The following DNAAF4 variants were observed in gnomAD, a reference collection of about 807,000 sequenced individuals.
DNAAF4 encodes the protein dynein axonemal assembly factor 4.
DNAAF4 carries 43 observed loss-of-function variants against 51.8 expected under a neutral mutation model. The observed-to-expected ratio is 0.83, with a 90% CI of 0.65 to 1.07. DNAAF4 has a LOEUF of 1.07. Ranked by LOEUF, DNAAF4 falls within the 50% of genes least tolerant of loss-of-function variation. The pLI is 0.00. For synonymous variants in DNAAF4, 194 were observed against 165.6 expected, an observed-to-expected ratio of 1.17 and a Z score of -1.32; for missense variants, 581 against 493.0, an observed-to-expected ratio of 1.18 and a Z score of -1.69.
chr15:55,452,671 T>C (rs1055753178), intron 5 of DNAAF4, among the ~76,000 whole-genome samples: 2 of 152,170 alleles, frequency 1.3e-5, no homozygotes, highest in African/African-American at 4.8e-5. Flanking sequence ...CACATACAAA[T>C]TCTTGATAAA....
At chr15:55,474,172 AG>A (rs1194484535) in intron 4 of DNAAF4, among the ~76,000 whole-genome samples, 1 of 152,220 alleles carries the variant, frequency 6.6e-6, no homozygotes, top group African/African-American at 2.4e-5. Context: ...TGCAAATAAT[AG>A]TACACTACTT....
At chr15:55,480,992 G>A (rs768148695) in intron 4 of DNAAF4, among the ~76,000 whole-genome samples, 1 of 152,006 alleles carries the variant, frequency 6.6e-6, no homozygotes, top group African/African-American at 2.4e-5. Flanking sequence ...AAGATCTAAT[G>A]GTTTTATAAG....
rs538474503 is a variant in DNAAF4, at chr15:55,449,673, AAAC to A, written c.783+546_783+548del. Among the ~76,000 whole-genome samples, 21 of 148,110 alleles carry A rather than the reference AAAC, an allele frequency of 1.4e-4. No homozygotes were observed. The South Asian group carries it at 2.8e-3, about 20-fold the overall frequency. On this transcript the variant is annotated intron_variant, in intron 6 of 9. Coordinates refer to ENST00000321149, the MANE Select transcript of DNAAF4 (RefSeq NM_130810.4). ...AGAGCAAAAACTCCATCTCTAAAAC[AAAC>A]AACAACAACAAAAAGACCGCTTTTT...
chr15:55,485,077 T>C (rs907362483), intron 4 of DNAAF4, among the ~76,000 whole-genome samples: 1 of 152,172 alleles, frequency 6.6e-6, no homozygotes, highest in African/African-American at 2.4e-5. Flanking sequence ...TTATTCACAC[T>C]AGCCAAAGGG....
intron 5 of DNAAF4, among the ~76,000 whole-genome samples, chr15:55,460,480 G>A (rs1034978635): frequency 1.3e-4 from 19 of 151,430 alleles, no homozygotes; most frequent in Non-Finnish European, 1.9e-4. Flanking sequence ...GCGCCCGGCC[G>A]GAATTCTCAA....
intron 4 of DNAAF4, among the ~76,000 whole-genome samples, chr15:55,477,114 G>A (rs1421875028): frequency 2.0e-5 from 3 of 152,070 alleles, no homozygotes; most frequent in Non-Finnish European, 2.9e-5. Context: ...AGAGGTTGCA[G>A]TGAGCTGAGA....
At position 55,418,941 on chromosome 15, in the gene DNAAF4, G is replaced by GTTTT. The variant is rs1243882949; in HGVS notation, c.1048-809_1048-808insAAAA. 4.4e-5 allele frequency among the ~76,000 whole-genome samples: 6 copies of GTTTT among 136,024 alleles called. 1 individual carries two copies. Among genetic ancestry groups the GTTTT allele is most frequent in the East Asian group, 2.1e-4 (1 of 4,698 alleles). The allele number at this position is 136,024 out of a possible 152,430, so 89.2% of individuals were successfully genotyped here. On this transcript the variant is annotated intron_variant, in intron 7 of 7. Coordinates refer to the DNAAF4 transcript ENST00000448430. ...TTCACACTTTTTTTTTTTTTTTTGA[G>GTTTT]TGAGTTGGAGTCTCGCTCTGTCGCC...
intron 7 of DNAAF4, among the ~76,000 whole-genome samples, chr15:55,437,333 G>A (rs749260564): frequency 2.4e-4 from 36 of 152,100 alleles, no homozygotes; most frequent in East Asian, 9.6e-4. Context: ...TTTACTCTTG[G>A]GAGTTAGAAG....
At chr15:55,434,836 A>T (rs2057582241) in intron 8 of DNAAF4, 69 bp downstream of exon 8, 1 of 1,230,694 alleles carries the variant, frequency 8.1e-7, no homozygotes, top group Non-Finnish European at 1.1e-6. Context: ...ACAGAAAAAG[A>T]TCATCATTTA....
chr15:55,443,362 C>G, intron 6 of DNAAF4: 1 of 732,544 alleles, frequency 1.4e-6, no homozygotes, highest in Non-Finnish European at 2.2e-6. Context: ...CAGCATGGCT[C>G]AGGGCCGTGC....
intron 8 of DNAAF4, among the ~76,000 whole-genome samples, 181 bp from the exon 9 acceptor site, chr15:55,432,783 TA>T (rs34919072): frequency 2.0e-5 from 3 of 149,464 alleles, no homozygotes; most frequent in African/African-American, 2.5e-5. Context: ...CCGTCTCTAC[TA>T]AAAAAAAATA....
chr15:55,438,147 G>A (rs1404670750), intron 7 of DNAAF4, among the ~76,000 whole-genome samples: 1 of 151,544 alleles, frequency 6.6e-6, no homozygotes, highest in African/African-American at 2.4e-5. Flanking sequence ...AAGGTGCGCG[G>A]ATCACCTGAG....
intron 6 of DNAAF4, among the ~76,000 whole-genome samples, chr15:55,449,943 C>G (rs1265168604): frequency 6.6e-6 from 1 of 151,864 alleles, no homozygotes; most frequent in Non-Finnish European, 1.5e-5. Flanking sequence ...AAGTGATCCA[C>G]CCATCTCGGG....
chr15:55,506,545 C>T (rs969447256), intron 1 of DNAAF4, among the ~76,000 whole-genome samples: 4 of 152,064 alleles, frequency 2.6e-5, no homozygotes, highest in African/African-American at 9.7e-5. Context: ...CAGACATTGC[C>T]AAATGTCTTC....
chr15:55,432,370 T>C (rs993943999), intron 9 of DNAAF4, 127 bp downstream of exon 9: 4 of 626,908 alleles, frequency 6.4e-6, no homozygotes, highest in South Asian at 2.6e-5. Flanking sequence ...CAGACATTAC[T>C]AAGAATAAAT....
At chr15:55,506,449 G>A (rs926679549) in intron 1 of DNAAF4, among the ~76,000 whole-genome samples, 4 of 151,998 alleles carry the variant, frequency 2.6e-5, no homozygotes, top group African/African-American at 9.7e-5. Flanking sequence ...TATAATTTAG[G>A]CTGCTCTGTG....
chr15:55,498,020 G>C (rs976262635), intron 2 of DNAAF4, among the ~76,000 whole-genome samples, 161 bp from the exon 3 acceptor site: 4 of 152,242 alleles, frequency 2.6e-5, no homozygotes, highest in Non-Finnish European at 5.9e-5. Context: ...CTGGATAAAA[G>C]TAGTCTCTGA....
intron 3 of DNAAF4, among the ~76,000 whole-genome samples, chr15:55,494,571 C>G (rs1386256929): frequency 1.3e-5 from 2 of 152,048 alleles, no homozygotes; most frequent in Admixed American, 1.3e-4. Context: ...ACTACCACGC[C>G]TGACGAAGTT....
rs549863400 is a variant in DNAAF4 at position 55,434,759 on chromosome 15, T to TA, written c.1047+145dup. On this transcript the variant is annotated intron_variant, in intron 8 of 9. Coordinates refer to ENST00000321149, the MANE Select transcript of DNAAF4 (RefSeq NM_130810.4). Reference sequence around the variant, plus strand: ...CCTTGTCCATTAGTAAAAAATCAGTTAAAAAAAAAAAGATTCAATAAGAAA... The same window carrying TA: ...CCTTGTCCATTAGTAAAAAATCAGTTAAAAAAAAAAAAGATTCAATAAGAAA... 0.02 allele frequency: 12,695 copies of TA among 634,782 alleles called. 6 individuals are homozygous for TA. The highest frequency in any genetic ancestry group is 0.021 in the Non-Finnish European group (9,358 of 435,612). 39.3% of individuals were successfully genotyped at this position (634,782 alleles called of 1,614,324 possible).
Sources: gnomAD v4.1 joint callset for allele counts (sites outside exome capture counted in the v4.1 genomes callset) on GRCh38, gnomAD v4.1.1 for gene constraint, MANE v1.5 for transcripts, NCBI Gene and HGNC (gene_info 2026-07-23, HGNC 2026-07-21) for gene names.